PLCH2: variants seen among roughly 807,000 people sequenced by gnomAD.
PLCH2 encodes the protein phospholipase C eta 2.
PLCH2 carries 98 observed loss-of-function variants against 134.7 expected under a neutral mutation model. The observed-to-expected ratio is 0.73, with a 90% CI of 0.62 to 0.86. The LOEUF is 0.86. Among genes scored for constraint, PLCH2 ranks in the 40% least tolerant of loss-of-function variants. The probability of loss-of-function intolerance (pLI) is 0.00; values close to 1 mark genes in which losing one functional copy is unlikely to be tolerated. For missense variants in PLCH2, 1,994 were observed against 1,986.6 expected (o/e 1.00, Z -0.07); for synonymous variants, 974 against 827.5 (o/e 1.18, Z -3.04).
chr1:2,494,962 C>T lies in PLCH2; in HGVS notation c.1752+14C>T, dbSNP rs575052926. ...TCCAGGCGCAAGGTCCGGCGCAGCT[C>T]CCAGGCCAGGGTCCCGGTCTGGGCC... is the stretch of plus-strand genomic sequence containing the variant. On this transcript the variant is annotated intron_variant, in intron 12 of 21. Coordinates refer to ENST00000378486, the MANE Select transcript of PLCH2 (RefSeq NM_014638.4). 3.8e-6 allele frequency: 6 copies of T among 1,563,740 alleles called. No homozygotes were observed. In the African/African-American group the frequency reaches 6.7e-5, roughly 18 times the overall value.
chr1:2,476,358 G>A lies in PLCH2; in HGVS notation c.-231G>A. 2.2e-6 allele frequency: 1 copy of A among 446,762 alleles called. No homozygotes were observed. The highest frequency in any genetic ancestry group is 3.5e-5 in the East Asian group (1 of 28,728). 27.7% of individuals were successfully genotyped at this position (446,762 alleles called of 1,614,324 possible). A position where few individuals can be genotyped will look rare whatever the true frequency, so the allele number is the denominator to read the frequency against. Reference sequence around the variant, plus strand: ...CCTTGGTGGCCCTGGAGGGTGGATAGGCTGGCCTGGGGGCCATCAGGACAG... The same window carrying A: ...CCTTGGTGGCCCTGGAGGGTGGATAAGCTGGCCTGGGGGCCATCAGGACAG... On this transcript the variant is annotated 5_prime_UTR_variant, in exon 1 of 22. Coordinates refer to ENST00000378486, the MANE Select transcript of PLCH2 (RefSeq NM_014638.4).
chr1:2,454,309 G>T (rs1640383701), intron 2 of PLCH2, among the ~76,000 whole-genome samples: 1 of 152,208 alleles, frequency 6.6e-6, no homozygotes, highest in African/African-American at 2.4e-5. Context: ...GACACGTGGG[G>T]ATCCCCAGGC....
At chr1:2,489,528 TC>T in intron 9 of PLCH2, 150 bp downstream of exon 9, 1 of 828,286 alleles carries the variant, frequency 1.2e-6, no homozygotes, top group South Asian at 1.7e-5. Flanking sequence ...GGCCTCCATC[TC>T]CCCATGGTGG....
Position 2,476,523 on chromosome 1 carries a change from C to T in PLCH2, c.-66C>T, listed in dbSNP as rs1178543555. On this transcript the variant is annotated 5_prime_UTR_variant, in exon 1 of 22. Coordinates refer to ENST00000378486, the MANE Select transcript of PLCH2 (RefSeq NM_014638.4). ...GTCGCCAGCGCTGCCACTGCCTGAC[C>T]TCCGCTGCCCGAAGGCCGGTGGGCC... 1.4e-6 allele frequency: 2 copies of T among 1,419,792 alleles called. No homozygotes were observed. Among genetic ancestry groups the T allele is most frequent in the East Asian group, 2.6e-5 (1 of 38,596 alleles). The allele number at this position is 1,419,792 out of a possible 1,614,324, so 87.9% of individuals were successfully genotyped here.
At chr1:2,482,561 C>G (rs113126293) in intron 4 of PLCH2, among the ~76,000 whole-genome samples, 1 of 152,236 alleles carries the variant, frequency 6.6e-6, no homozygotes, top group East Asian at 1.9e-4. Flanking sequence ...TTGGTGTGGG[C>G]ACACAGCCTG....
chr1:2,454,263 T>A (rs1421834024), intron 2 of PLCH2, among the ~76,000 whole-genome samples: 1 of 152,114 alleles, frequency 6.6e-6, no homozygotes, highest in African/African-American at 2.4e-5. Context: ...AGTTCCCCGA[T>A]GGCCAGTGCC....
upstream of PLCH2, among the ~76,000 whole-genome samples, chr1:2,462,556 G>A (rs1239403672): frequency 1.3e-5 from 2 of 151,954 alleles, no homozygotes; most frequent in Non-Finnish European, 2.9e-5. Flanking sequence ...TCCATCCGGG[G>A]CAACTACGGT....
At position 2,445,208 on chromosome 1, in the gene PLCH2, T is replaced by A. The variant is rs374727624; in HGVS notation, c.115+14579T>A. On this transcript the variant is annotated intron_variant, in intron 2 of 3. Coordinates refer to the PLCH2 transcript ENST00000609981. ...GGGAGGCAGGTGTGCACTGGGCAAG[T>A]GGGTGCCTGTGGCTGTGCTGAGGGT... Among the ~76,000 whole-genome samples the A allele has an allele frequency of 2.6e-5, 4 of 152,176 alleles. No individual in the cohort carries two copies. In the East Asian group the frequency reaches 5.8e-4, roughly 22 times the overall value.
chr1:2,462,860 C>T (rs1025655018), upstream of PLCH2, among the ~76,000 whole-genome samples: 6 of 152,116 alleles, frequency 3.9e-5, no homozygotes, highest in African/African-American at 1.2e-4. Flanking sequence ...AGATGTGTGT[C>T]GGGGTGGTGG....
At chr1:2,454,016 G>A (rs1640368048) in intron 2 of PLCH2, among the ~76,000 whole-genome samples, 2 of 152,116 alleles carry the variant, frequency 1.3e-5, no homozygotes, top group African/African-American at 4.8e-5. Context: ...GAGAGCCAAG[G>A]CTGGTAGTGG....
chr1:2,421,690 C>T (rs150207555), upstream of PLCH2, among the ~76,000 whole-genome samples: 62 of 151,894 alleles, frequency 4.1e-4, 1 homozygote, highest in African/African-American at 1.4e-3. Flanking sequence ...AAAATAACAA[C>T]GGGCCAGGCA....
intron 2 of PLCH2, among the ~76,000 whole-genome samples, chr1:2,449,080 G>A (rs72915778): frequency 0.042 from 6,320 of 152,032 alleles, 469 homozygotes; most frequent in African/African-American, 0.14. Context: ...AGTCCTGGTC[G>A]GAGCTGTAGC....
upstream of PLCH2, among the ~76,000 whole-genome samples, chr1:2,475,747 C>T (rs1641580264): frequency 6.6e-6 from 1 of 152,220 alleles, no homozygotes; most frequent in African/African-American, 2.4e-5. Context: ...GCTGCAGCTG[C>T]ATGAGGGAGA....
rs1643256013 is a variant in PLCH2, at chr1:2,502,096, G to A, written c.2662-16G>A. 1.4e-6 allele frequency: 2 copies of A among 1,425,954 alleles called. No homozygotes were observed. Among genetic ancestry groups the A allele is most frequent in the Non-Finnish European group, 1.8e-6 (2 of 1,094,202 alleles). The allele number at this position is 1,425,954 out of a possible 1,614,324, so 88.3% of individuals were successfully genotyped here. On this transcript the variant is annotated splice_polypyrimidine_tract_variant and intron_variant, in intron 20 of 21. Transcript: ENST00000378486. ...GGGACCCCTGGCAACAGCTACATGG[G>A]CTCCTTCTCTTGCAGGTCAAGCAGG...
intron 5 of PLCH2, among the ~76,000 whole-genome samples, chr1:2,484,855 G>A (rs1180902178): frequency 1.3e-5 from 2 of 152,158 alleles, no homozygotes; most frequent in African/African-American, 4.8e-5. Context: ...ATATTACAGG[G>A]TGCGCTCTAT....
chr1:2,489,888 A>AGG (rs373883153), intron 10 of PLCH2, 21 bp downstream of exon 10: 2 of 1,544,552 alleles, frequency 1.3e-6, no homozygotes, highest in African/African-American at 2.7e-5. Flanking sequence ...CTGGAGGTGG[A>AGG]GGGGGGCGCG....
At chr1:2,462,579 C>T (rs1003581222), upstream of PLCH2, among the ~76,000 whole-genome samples, 1 of 152,052 alleles carries the variant, frequency 6.6e-6, no homozygotes, top group Non-Finnish European at 1.5e-5. Flanking sequence ...GTCTGGGTGG[C>T]CCGTGGTCAG....
chr1:2,496,909 G>C lies in PLCH2; in HGVS notation c.2015G>C (p.Arg672Pro). The C allele has an allele frequency of 6.2e-7, 1 of 1,613,170 alleles. No homozygotes were observed. Among genetic ancestry groups the C allele is most frequent in the Non-Finnish European group, 8.5e-7 (1 of 1,179,852 alleles). The change falls in exon 15 of 22, where the codon CGC (arginine) becomes CCC (proline). Residue 672 changes from arginine to proline, a missense_variant. This residue lies in a region of PLCH2 where 1,094 missense variants were observed against 1,234.3 expected (regional missense o/e 0.89). Coordinates refer to ENST00000378486, the MANE Select transcript of PLCH2 (RefSeq NM_014638.4). The stretch of plus-strand genomic sequence containing the variant: ...CAGCAGAAGCCGGCGCAGTACCTAC[G>C]CTTCAACCAGCAGCAGCTCTCCCGC... ...ILQQKPAQYL[R>P]FNQQQLSRIY...
At chr1:2,470,112 T>C (rs1641255496) in intron 1 of PLCH2, among the ~76,000 whole-genome samples, 1 of 152,206 alleles carries the variant, frequency 6.6e-6, no homozygotes, top group African/African-American at 2.4e-5. Flanking sequence ...GTAGGTCCCT[T>C]CCACCGCTCA....
Sources: allele counts gnomAD v4.1 joint callset (sites outside exome capture counted in the v4.1 genomes callset), GRCh38; gene constraint gnomAD v4.1.1; regional missense constraint gnomAD v4.1.1; transcripts MANE v1.5; gene names NCBI Gene and HGNC (gene_info 2026-07-23, HGNC 2026-07-21).